ADAMTS5: variants seen among roughly 807,000 people sequenced by gnomAD.
ADAMTS5 encodes the protein A disintegrin and metalloproteinase with thrombospondin motifs 5.
A neutral mutation model predicts 81.4 loss-of-function variants in ADAMTS5; 54 were observed. That is an observed-to-expected ratio of 0.66 (90% CI 0.53 to 0.83). ADAMTS5 has a LOEUF of 0.83. Ranked by LOEUF, ADAMTS5 falls within the 40% of genes least tolerant of loss-of-function variation. ADAMTS5 has a pLI of 0.00. For synonymous variants in ADAMTS5, 532 were observed against 508.8 expected (o/e 1.05, Z -0.61); for missense variants, 1,194 against 1,229.9 (o/e 0.97, Z 0.44).
chr21:26,954,045 A>G (rs1987372056), intron 2 of ADAMTS5: 1 of 152,074 alleles, frequency 6.6e-6, no homozygotes, highest in Non-Finnish European at 1.5e-5. Flanking sequence ...TCCTAAATGT[A>G]CTAAGCCAAT....
intron 1 of ADAMTS5, among the ~76,000 whole-genome samples, chr21:26,956,323 A>G (rs162505): frequency 0.23 from 34,296 of 152,188 alleles, 4,576 homozygotes; most frequent in Admixed American, 0.31. Flanking sequence ...GATAAGTTAC[A>G]GTGTGGCCAC....
At position 26,929,879 on chromosome 21, in the gene ADAMTS5, A is replaced by G. The variant is rs767746684; in HGVS notation, c.2225+7T>C. ...TTCACATAAAGACAAAGGTTCTATCATATTACCTTTTCTTATTAAAGGTTC... is the reference window on the plus strand; with the variant it reads ...TTCACATAAAGACAAAGGTTCTATCGTATTACCTTTTCTTATTAAAGGTTC... On this transcript the variant is annotated splice_region_variant and intron_variant, in intron 7 of 7. Coordinates refer to ENST00000284987, the MANE Select transcript of ADAMTS5 (RefSeq NM_007038.5). 1 of 1,613,244 alleles carries G rather than the reference A, an allele frequency of 6.2e-7. No homozygotes were observed.
Position 26,924,316 on chromosome 21 carries a change from C to G in ADAMTS5, c.2530G>C (p.Asp844His). ...GGAACAAAAAAGCTATAACGGACAT[C>G]TAATGGTTTAGTGGGGTCTGTTGCA... ...ILATDPTKPLDVRYSFFVPKK... is the reference protein window; with the variant it reads ...ILATDPTKPLHVRYSFFVPKK... The change falls in exon 8 of 8, where the codon GAT (aspartate) becomes CAT (histidine). Residue 844 changes from aspartate (D) to histidine (H), a missense_variant. By Grantham distance (81) the Asp-to-His change is moderately conservative. Coordinates refer to ENST00000284987, the MANE Select transcript of ADAMTS5 (RefSeq NM_007038.5). 6.2e-7 allele frequency: 1 copy of G among 1,614,234 alleles called. No homozygotes were observed. The highest frequency in any genetic ancestry group is 1.6e-4 in the Middle Eastern group (1 of 6,062).
Position 26,922,926 on chromosome 21 carries a change from G to C in ADAMTS5, c.*1127C>G, listed in dbSNP as rs1004264036. On this transcript the variant is annotated 3_prime_UTR_variant, in exon 8 of 8. Coordinates refer to ENST00000284987, the MANE Select transcript of ADAMTS5 (RefSeq NM_007038.5). Reference sequence around the variant, plus strand: ...ACTTCTCAATGTGGCTAACTACCAAGTGATCTTTAATGTTTCTAATAAAAT... The same window carrying C: ...ACTTCTCAATGTGGCTAACTACCAACTGATCTTTAATGTTTCTAATAAAAT... 1 of 152,550 alleles carries C rather than the reference G, an allele frequency of 6.6e-6. No homozygotes were observed. Among genetic ancestry groups the C allele is most frequent in the African/African-American group, 2.4e-5 (1 of 41,444 alleles). The allele number at this position is 152,550 out of a possible 1,614,324, so 9.4% of individuals were successfully genotyped here.
At chr21:26,925,791 A>C (rs2123165229) in intron 7 of ADAMTS5, among the ~76,000 whole-genome samples, 1 of 152,334 alleles carries the variant, frequency 6.6e-6, no homozygotes, top group African/African-American at 2.4e-5. Flanking sequence ...GCTTATCGCC[A>C]AGGAAGTCCC....
At chr21:26,934,430 G>A in intron 4 of ADAMTS5, 36 bp downstream of exon 4, 1 of 1,609,154 alleles carries the variant, frequency 6.2e-7, no homozygotes, top group Non-Finnish European at 8.5e-7. Context: ...TCACTTCTTG[G>A]GCCTCCAGGC....
rs1270198731 is a variant in ADAMTS5 at position 26,918,605 on chromosome 21, T to A, written c.*5448A>T. On this transcript the variant is annotated 3_prime_UTR_variant, in exon 8 of 8. Transcript: ENST00000284987. ...AAGGTTTACGTTGTGCCTGAGTGTA[T>A]AATGCAAAAATAGCATCCAGAGATT... 1 of 152,008 alleles carries A rather than the reference T, an allele frequency of 6.6e-6. No individual in the cohort carries two copies. Among genetic ancestry groups the A allele is most frequent in the Non-Finnish European group, 1.5e-5 (1 of 67,948 alleles). 9.4% of individuals were successfully genotyped at this position (152,008 alleles called of 1,614,324 possible).
chr21:26,935,397 T>C (rs776535686), intron 3 of ADAMTS5, among the ~76,000 whole-genome samples: 63 of 152,330 alleles, frequency 4.1e-4, no homozygotes, highest in Non-Finnish European at 6.0e-4. Context: ...TTTGAAGGCC[T>C]TCCAATAAAG....
intron 1 of ADAMTS5, among the ~76,000 whole-genome samples, chr21:26,960,553 TG>T (rs1987510542): frequency 6.6e-6 from 1 of 152,102 alleles, no homozygotes; most frequent in African/African-American, 2.4e-5. Context: ...TTGCAGGCAG[TG>T]GGAAGGCTTT....
intron 1 of ADAMTS5, among the ~76,000 whole-genome samples, chr21:26,957,451 A>AGATAGATAGATAGATT (rs758744343): frequency 4.7e-4 from 3 of 6,428 alleles, no homozygotes; most frequent in African/African-American, 1.3e-3. Flanking sequence ...GATAGATGAT[A>AGATAGATAGATAGATT]GATAGATAGA....
At position 26,954,595 on chromosome 21, in the gene ADAMTS5, A is replaced by G; in HGVS notation, c.1237+144T>C. The stretch of plus-strand genomic sequence containing the variant: ...CCTGTCGCTCGTATTAGTTAACCTT[A>G]AAAGTGCAGATATAAACAAATTTAA... On this transcript the variant is annotated intron_variant, in intron 2 of 7. Transcript: ENST00000284987. The G allele has an allele frequency of 4.0e-6, 5 of 1,243,250 alleles. No homozygotes were observed. The South Asian group carries it at 6.5e-5, about 16-fold the overall frequency. 77.0% of individuals were successfully genotyped at this position (1,243,250 alleles called of 1,614,324 possible).
rs1307760480 is a variant in ADAMTS5, at chr21:26,934,838, G to C, written c.1406-89C>G. 27 of 1,523,492 alleles carry C rather than the reference G, an allele frequency of 1.8e-5. No individual in the cohort carries two copies. The East Asian group carries it at 6.1e-4, about 35-fold the overall frequency. The allele number at this position is 1,523,492 out of a possible 1,614,324, so 94.4% of individuals were successfully genotyped here. On this transcript the variant is annotated intron_variant, in intron 3 of 7. Transcript: ENST00000284987. ...ATCTAAAAATGAAATGCCCCGGCTG[G>C]TGTTGGAGCACGAGGCACCCATGAA...
chr21:26,940,411 A>C (rs552137539), intron 3 of ADAMTS5, among the ~76,000 whole-genome samples: 6 of 152,168 alleles, frequency 3.9e-5, no homozygotes, highest in Non-Finnish European at 5.9e-5. Context: ...TATAGCACTA[A>C]CTTGAGGGAC....
At chr21:26,924,654 AGGTGGTT>A in intron 7 of ADAMTS5, 34 bp from the exon 8 acceptor site, 1 of 1,527,078 alleles carries the variant, frequency 6.5e-7, no homozygotes, top group Non-Finnish European at 8.8e-7. Context: ...AAGTGGGGGA[AGGTGGTT>A]AAAAAAAGGG....
chr21:26,934,498 A>G lies in ADAMTS5; in HGVS notation c.1657T>C (p.Cys553Arg), dbSNP rs1168027384. 3 of 1,614,066 alleles carry G rather than the reference A, an allele frequency of 1.9e-6. No homozygotes were observed. Among genetic ancestry groups the G allele is most frequent in the Non-Finnish European group, 2.5e-6 (3 of 1,180,046 alleles). ...GKGRICLQGKCVDKTKKKYYS... is the reference protein window; with the variant it reads ...GKGRICLQGKRVDKTKKKYYS... ...TATTTTTTCTTGGTTTTGTCCACAC[A>G]TTTGCCCTGCAGGCAGATTCTCCCC... The change falls in exon 4 of 8, where the codon TGT becomes CGT. Residue 553 changes from cysteine (C) to arginine (R), a missense_variant. By Grantham distance (180) the Cys-to-Arg change is radical (BLOSUM62 -3). Around this residue, in one of 2 missense-constraint regions of ADAMTS5, gnomAD observed 696 missense variants for 817.6 expected, o/e 0.85. Transcript: ENST00000284987.
In ADAMTS5 at chr21:26,918,051, A is replaced by T. The variant is rs1010899173; in HGVS notation, c.*6002T>A. ...TGTTCCTCAATGAAAATATTACAGT[A>T]TAGGTCCCAAACGGCTCAGTTCAAG... On this transcript the variant is annotated 3_prime_UTR_variant, in exon 8 of 8. Coordinates refer to ENST00000284987, the MANE Select transcript of ADAMTS5 (RefSeq NM_007038.5). 1.3e-5 allele frequency: 2 copies of T among 152,384 alleles called. No individual in the cohort carries two copies. The highest frequency in any genetic ancestry group is 4.8e-5 in the African/African-American group (2 of 41,432). The allele number at this position is 152,384 out of a possible 1,614,324, so 9.4% of individuals were successfully genotyped here.
chr21:26,924,448 C>A lies in ADAMTS5; in HGVS notation c.2398G>T (p.Asp800Tyr). 1.2e-6 allele frequency: 2 copies of A among 1,614,164 alleles called. No individual in the cohort carries two copies. Among genetic ancestry groups the A allele is most frequent in the Non-Finnish European group, 8.5e-7 (1 of 1,180,026 alleles). Residue 800 changes from aspartate (D) to tyrosine (Y), a missense_variant, in exon 8 of 8, where the codon GAC becomes TAC. By Grantham distance (160) the Asp-to-Tyr change is radical. This residue lies in a region of ADAMTS5 where 696 missense variants were observed against 817.6 expected (regional missense o/e 0.85). Coordinates refer to ENST00000284987, the MANE Select transcript of ADAMTS5 (RefSeq NM_007038.5). ...YMISTSETII[D>Y]INGTVMNYSG... ...TAGTTCATGACTGTTCCATTGATGT[C>A]AATGATAGTCTCTGAAGTGGAGATC...
chr21:26,965,605 T>C lies in ADAMTS5; in HGVS notation c.787A>G (p.Ile263Val), dbSNP rs769866253. 8.1e-6 allele frequency: 13 copies of C among 1,601,002 alleles called. No individual in the cohort carries two copies. The highest frequency in any genetic ancestry group is 1.3e-5 in the African/African-American group (1 of 74,636). Residue 263 changes from isoleucine (I) to valine (V), a missense_variant, in exon 1 of 8, where the codon ATC becomes GTC. Coordinates refer to ENST00000284987, the MANE Select transcript of ADAMTS5 (RefSeq NM_007038.5). Reference protein sequence around the residue: ...QTWWRRRRRSISRARQVELLL... With the variant: ...QTWWRRRRRSVSRARQVELLL... Reference sequence around the variant, plus strand: ...AGCTCCACCTGGCGGGCCCGGGAGATGGAGCGGCGCCGCCGCCGCCACCAC... The same window carrying C: ...AGCTCCACCTGGCGGGCCCGGGAGACGGAGCGGCGCCGCCGCCGCCACCAC...
At position 26,928,905 on chromosome 21, in the gene ADAMTS5, C is replaced by T. The variant is rs1008309323; in HGVS notation, c.2225+981G>A. Among the ~76,000 whole-genome samples the T allele has an allele frequency of 1.2e-4, 18 of 152,022 alleles. 1 individual carries two copies. Among genetic ancestry groups the T allele is most frequent in the African/African-American group, 3.9e-4 (16 of 41,396 alleles). ...CTGATCATCTCCAAGGTGTTTTATA[C>T]CTTTGAAACATATAAAAATGCAGGA... On this transcript the variant is annotated intron_variant, in intron 7 of 7. Coordinates refer to ENST00000284987, the MANE Select transcript of ADAMTS5 (RefSeq NM_007038.5).
Sources: gnomAD v4.1 joint callset for allele counts (sites outside exome capture counted in the v4.1 genomes callset) on GRCh38, gnomAD v4.1.1 for gene constraint, gnomAD v4.1.1 regional missense constraint, MANE v1.5 for transcripts, NCBI Gene and HGNC (gene_info 2026-07-23, HGNC 2026-07-21) for gene names.